Variants in XRRA1 observed in about 807,000 individuals in gnomAD.
XRRA1 encodes the protein X-ray radiation resistance-associated protein 1.
In XRRA1, 69 loss-of-function variants were observed where a neutral mutation model predicts 80.2. The ratio of observed to expected loss-of-function variants is 0.86; its 90% CI spans 0.71 to 1.05. XRRA1 has a LOEUF of 1.05. Ranked by LOEUF, XRRA1 falls within the 50% of genes least tolerant of loss-of-function variation. XRRA1 has a pLI of 0.00. For synonymous variants in XRRA1, 348 were observed against 389.9 expected (o/e 0.89, Z 1.27); for missense variants, 967 against 976.4 (o/e 0.99, Z 0.13).
chr11:74,865,887 C>T (rs1320498532), intron 10 of XRRA1, among the ~76,000 whole-genome samples: 1 of 152,216 alleles, frequency 6.6e-6, no homozygotes, highest in African/African-American at 2.4e-5. Context: ...GAAAGCCACA[C>T]CAATCTCAGT....
At chr11:74,921,179 A>G (rs1407005017) in intron 8 of XRRA1, 35 bp downstream of exon 8, 4 of 1,607,812 alleles carry the variant, frequency 2.5e-6, no homozygotes, top group Admixed American at 1.7e-5. Flanking sequence ...TTTGTACACA[A>G]AAACACAGAA....
intron 10 of XRRA1, among the ~76,000 whole-genome samples, chr11:74,871,611 C>T (rs79292649): frequency 0.044 from 6,723 of 152,108 alleles, 516 homozygotes; most frequent in African/African-American, 0.15. Flanking sequence ...TTGAGTGTCC[C>T]GGCTCTTCCT....
At chr11:74,900,133 C>T (rs1349083858) in intron 10 of XRRA1, among the ~76,000 whole-genome samples, 2 of 151,434 alleles carry the variant, frequency 1.3e-5, no homozygotes, top group Non-Finnish European at 2.9e-5. Context: ...CCACTGCACT[C>T]CAGCCTGGGC....
intron 3 of XRRA1, among the ~76,000 whole-genome samples, chr11:74,939,877 G>C (rs1241821246): frequency 6.6e-6 from 1 of 152,198 alleles, no homozygotes; most frequent in East Asian, 1.9e-4. Flanking sequence ...GAGCAAGAGA[G>C]AGAGAGAGCG....
chr11:74,908,794 C>T (rs2055204640), intron 8 of XRRA1, among the ~76,000 whole-genome samples: 1 of 152,054 alleles, frequency 6.6e-6, no homozygotes, highest in African/African-American at 2.4e-5. Context: ...AATTGTCATG[C>T]TTTTAACCAA....
Position 74,843,253 on chromosome 11 carries a change from C to T in XRRA1, c.2350G>A (p.Glu784Lys), listed in dbSNP as rs759499178. 1.5e-5 allele frequency: 24 copies of T among 1,568,236 alleles called. No homozygotes were observed. The highest frequency in any genetic ancestry group is 9.4e-5 in the South Asian group (8 of 85,094). Residue 784 changes from glutamate (E) to lysine (K), a missense_variant, in exon 19 of 19, where the codon GAG (glutamate) becomes AAG (lysine). Glu to Lys is a moderately conservative substitution (Grantham distance 56). Coordinates refer to ENST00000684022, the MANE Select transcript of XRRA1 (RefSeq NM_001378157.1). ...ESQPKFGHFL[E>K]FMDEFCQEPT... ...TCCTGGCAGAACTCATCCATGAACT[C>T]GAGGAAGTGGCCGAACTTGGGCTGG... is the stretch of plus-strand genomic sequence containing the variant.
intron 4 of XRRA1, 142 bp downstream of exon 4, chr11:74,936,742 C>T (rs764143879): frequency 1.8e-6 from 2 of 1,087,390 alleles, no homozygotes; most frequent in Non-Finnish European, 2.5e-6. Context: ...CTTCATTATC[C>T]TGGCTGTACT....
Position 74,843,078 on chromosome 11 carries a change from G to T in XRRA1, c.*122C>A, listed in dbSNP as rs2036823017. On this transcript the variant is annotated 3_prime_UTR_variant, in exon 19 of 19. Transcript: ENST00000684022. ...TGCCACCTTGTGGCCAGCAAGTGGG[G>T]CCCAGCTGAGCTCTGAGGCCTGTGG... 51 of 1,336,588 alleles carry T rather than the reference G, an allele frequency of 3.8e-5. No individual in the cohort carries two copies. The highest frequency in any genetic ancestry group is 4.8e-5 in the Non-Finnish European group (48 of 1,006,350). The allele number at this position is 1,336,588 out of a possible 1,614,324, so 82.8% of individuals were successfully genotyped here.
chr11:74,925,479 T>C (rs1466469378), intron 7 of XRRA1, among the ~76,000 whole-genome samples: 1 of 152,212 alleles, frequency 6.6e-6, no homozygotes, highest in East Asian at 1.9e-4. Flanking sequence ...GAGCTGCAAA[T>C]TCAGGATATT....
rs768565632 is a variant in XRRA1, at chr11:74,937,058, G to T, written c.105C>A (p.His35Gln). ...LLRVPEEGQG[H>Q]WLVVQKGNLK... is the part of the protein sequence containing the mutation. ...GGTTACCTTTCTGAACCACTAACCA[G>T]TGTCCTTGGCCTGTTGAGAAAATTA... The change falls in exon 4 of 19, where the codon CAC becomes CAA. Residue 35 changes from histidine to glutamine, a missense_variant. His to Gln is a conservative substitution (Grantham distance 24). Transcript: ENST00000684022. 1 of 1,613,564 alleles carries T rather than the reference G, an allele frequency of 6.2e-7. No homozygotes were observed. The highest frequency in any genetic ancestry group is 1.1e-5 in the South Asian group (1 of 91,002).
At chr11:74,893,644 A>T (rs192230961) in intron 10 of XRRA1, among the ~76,000 whole-genome samples, 2 of 152,330 alleles carry the variant, frequency 1.3e-5, no homozygotes, top group Admixed American at 1.3e-4. Flanking sequence ...AAAAATGCTC[A>T]ACATCACTAA....
rs563633400 is a variant in XRRA1, at chr11:74,907,469, T to C, written c.657-196A>G. 8.5e-5 allele frequency among the ~76,000 whole-genome samples: 13 copies of C among 152,262 alleles called. No homozygotes were observed. The South Asian group carries it at 2.7e-3, about 32-fold the overall frequency. ...CACCTTCTCCTTTCCCAAACACTAT[T>C]ATACATACCATATTGTCTTCTGTAT... On this transcript the variant is annotated intron_variant, in intron 8 of 18. Transcript: ENST00000684022.
Position 74,845,206 on chromosome 11 carries a change from C to T in XRRA1, c.1794G>A (p.Lys598=). The change falls in exon 16 of 19, where the codon AAG becomes AAA. Residue 598 remains lysine (K), a synonymous_variant. Transcript: ENST00000684022. The part of the protein sequence containing the change: ...DDLELKEKDQ[K]KPPTAPREVK... ...CCTCTCTGGGTGCCGTTGGTGGTTT[C>T]TTTTGGTCTTTCTCCTTTAACTCTA... 1 of 1,614,030 alleles carries T rather than the reference C, an allele frequency of 6.2e-7. No individual in the cohort carries two copies. Among genetic ancestry groups the T allele is most frequent in the Non-Finnish European group, 8.5e-7 (1 of 1,179,886 alleles).
At position 74,845,137 on chromosome 11, in the gene XRRA1, G is replaced by T; in HGVS notation, c.1863C>A (p.Ser621Arg). Residue 621 changes from serine (S) to arginine (R), a missense_variant, in exon 16 of 19, where the codon AGC becomes AGA. Coordinates refer to ENST00000684022, the MANE Select transcript of XRRA1 (RefSeq NM_001378157.1). ...GCAGTTCTTCATAGCCGTGGTACTT[G>T]CTGGGAAGGAAGGCAGTTGGGAGTT... ...RRKLPTAFLP[S>R]KYHGYEELLT... 6 of 1,614,064 alleles carry T rather than the reference G, an allele frequency of 3.7e-6. No individual in the cohort carries two copies. Among genetic ancestry groups the T allele is most frequent in the Non-Finnish European group, 5.1e-6 (6 of 1,179,906 alleles).
chr11:74,887,620 G>A (rs112010604), intron 10 of XRRA1, among the ~76,000 whole-genome samples: 57 of 152,336 alleles, frequency 3.7e-4, no homozygotes, highest in African/African-American at 1.3e-3. Context: ...AAAGCAGGGC[G>A]AGGCATTGCC....
At chr11:74,922,101 CAAA>C (rs201482678) in intron 7 of XRRA1, among the ~76,000 whole-genome samples, 1,733 of 151,616 alleles carry the variant, frequency 0.011, 31 homozygotes, top group African/African-American at 0.04. Flanking sequence ...ACTAAAAATA[CAAA>C]AAATTAGCCA....
chr11:74,843,719 C>T, intron 18 of XRRA1, 135 bp downstream of exon 18: 2 of 865,660 alleles, frequency 2.3e-6, no homozygotes, highest in Non-Finnish European at 3.6e-6. Flanking sequence ...CTCCTTTTGT[C>T]CATCTACATG....
rs1385959896 is a variant in XRRA1, at chr11:74,843,935, G to A, written c.2068C>T (p.Pro690Ser). 5 of 1,613,570 alleles carry A rather than the reference G, an allele frequency of 3.1e-6. No individual in the cohort carries two copies. In the African/African-American group the frequency reaches 6.7e-5, roughly 22 times the overall value. The part of the protein sequence containing the change: ...KRAQRIPIPP[P>S]KKTRAQLLDD... Reference sequence around the variant, plus strand: ...AGAAGTTGGGCTCTAGTCTTCTTTGGGGGTGGAATCGGGATTCTCTGGGCC... The same window carrying A: ...AGAAGTTGGGCTCTAGTCTTCTTTGAGGGTGGAATCGGGATTCTCTGGGCC... The change falls in exon 18 of 19, where the codon CCA (proline) becomes TCA (serine). Residue 690 changes from proline to serine, a missense_variant. Transcript: ENST00000684022.
chr11:74,845,749 A>G (rs1386787014), intron 15 of XRRA1, among the ~76,000 whole-genome samples: 3 of 152,230 alleles, frequency 2.0e-5, no homozygotes, highest in Admixed American at 2.0e-4. Context: ...CAGGACCCGG[A>G]TCGGTAAGGA....
Sources: gnomAD v4.1 joint callset for allele counts (sites outside exome capture counted in the v4.1 genomes callset) on GRCh38, gnomAD v4.1.1 for gene constraint, MANE v1.5 for transcripts, NCBI Gene and HGNC (gene_info 2026-07-23, HGNC 2026-07-21) for gene names.